C1orf21: variants seen among roughly 807,000 people sequenced by gnomAD.
C1orf21 encodes chromosome 1 open reading frame 21, also known as uncharacterized protein C1orf21.
C1orf21 carries 3 observed loss-of-function variants against 18.7 expected under a neutral mutation model. That is an observed-to-expected ratio of 0.16 (90% CI 0.07 to 0.42). The LOEUF is 0.42. C1orf21 is among the 10% of genes least tolerant of loss of function. The pLI, the probability that C1orf21 is intolerant of heterozygous loss-of-function variation, is 0.99. For missense variants in C1orf21, 104 were observed against 143.6 expected, an observed-to-expected ratio of 0.72 and a Z score of 1.41; for synonymous variants, 41 against 46.4, an observed-to-expected ratio of 0.88 and a Z score of 0.47.
At chr1:184,588,217 C>T (rs1298370257) in intron 3 of C1orf21, among the ~76,000 whole-genome samples, 1 of 152,150 alleles carries the variant, frequency 6.6e-6, no homozygotes, top group African/African-American at 2.4e-5. Context: ...GGGAGCCTGA[C>T]ACTTCAAGAA....
rs1023152478 is a variant in C1orf21, at chr1:184,502,047, C to G, written c.95-5541C>G. Reference sequence around the variant, plus strand: ...ACCATTTTCATCCTTCAATTTATTACATATTTTACAAAATGATAATACCCT... The same window carrying G: ...ACCATTTTCATCCTTCAATTTATTAGATATTTTACAAAATGATAATACCCT... On this transcript the variant is annotated intron_variant, in intron 2 of 5. Coordinates refer to ENST00000235307, the MANE Select transcript of C1orf21 (RefSeq NM_030806.4). Among the ~76,000 whole-genome samples the G allele has an allele frequency of 3.9e-5, 6 of 152,154 alleles. No homozygotes were observed. The South Asian group carries it at 8.3e-4, about 21-fold the overall frequency.
At chr1:184,534,992 G>A (rs911560370) in intron 3 of C1orf21, among the ~76,000 whole-genome samples, 3 of 152,058 alleles carry the variant, frequency 2.0e-5, no homozygotes, top group Admixed American at 1.3e-4. Context: ...GAGAGGCATG[G>A]TGGGGGGACT....
intron 3 of C1orf21, among the ~76,000 whole-genome samples, chr1:184,535,680 GT>G (rs1658540086): frequency 1.3e-5 from 2 of 152,184 alleles, no homozygotes; most frequent in Admixed American, 6.5e-5. Flanking sequence ...TAAGGCTGTG[GT>G]TTCTTGGATG....
intron 3 of C1orf21, among the ~76,000 whole-genome samples, chr1:184,556,031 C>A (rs1264815768): frequency 6.6e-6 from 1 of 152,024 alleles, no homozygotes; most frequent in African/African-American, 2.4e-5. Flanking sequence ...TAAGAAATGT[C>A]CTAATAGGTA....
chr1:184,436,654 C>T (rs888094082), intron 1 of C1orf21, among the ~76,000 whole-genome samples: 2 of 152,140 alleles, frequency 1.3e-5, no homozygotes, highest in African/African-American at 4.8e-5. Flanking sequence ...AATAAACTTT[C>T]ACTCCCCTCT....
chr1:184,466,103 AAT>A (rs1657392741), intron 1 of C1orf21, among the ~76,000 whole-genome samples: 1 of 152,222 alleles, frequency 6.6e-6, no homozygotes, highest in African/African-American at 2.4e-5. Flanking sequence ...GCTGATTTAA[AAT>A]AATTATTTTG....
In C1orf21 at chr1:184,618,636, T is replaced by TCC. The variant is rs34301703; in HGVS notation, c.328-873_328-872dup. 1.6e-3 allele frequency among the ~76,000 whole-genome samples: 217 copies of TCC among 137,420 alleles called. 2 individuals are homozygous for TCC. Among genetic ancestry groups the TCC allele is most frequent in the East Asian group, 9.3e-3 (43 of 4,606 alleles). 90.2% of individuals were successfully genotyped at this position (137,420 alleles called of 152,430 possible). On this transcript the variant is annotated intron_variant, in intron 5 of 5. Coordinates refer to ENST00000235307, the MANE Select transcript of C1orf21 (RefSeq NM_030806.4). ...ATAAGTTCTGCTTTTAAAAGAACATTCCCCCCCCCCAAGAAAAATGAAACA... is the reference window on the plus strand; with the variant it reads ...ATAAGTTCTGCTTTTAAAAGAACATTCCCCCCCCCCCCAAGAAAAATGAAACA...
At chr1:184,603,392 C>G (rs935039491) in intron 5 of C1orf21, among the ~76,000 whole-genome samples, 4 of 152,242 alleles carry the variant, frequency 2.6e-5, no homozygotes, top group Non-Finnish European at 5.9e-5. Flanking sequence ...CTCACATATT[C>G]CTGTGTGATC....
intron 3 of C1orf21, among the ~76,000 whole-genome samples, chr1:184,558,262 C>T (rs1251176000): frequency 1.3e-5 from 2 of 152,154 alleles, no homozygotes; most frequent in Non-Finnish European, 2.9e-5. Flanking sequence ...TAAGCTTCTA[C>T]CATGTATGTC....
At chr1:184,495,775 C>T (rs926306098) in intron 2 of C1orf21, among the ~76,000 whole-genome samples, 1 of 151,830 alleles carries the variant, frequency 6.6e-6, no homozygotes, top group Non-Finnish European at 1.5e-5. Context: ...CAAAAATTAG[C>T]CTGGCATGGT....
At chr1:184,548,402 G>A (rs1049378818) in intron 3 of C1orf21, among the ~76,000 whole-genome samples, 1 of 146,702 alleles carries the variant, frequency 6.8e-6, no homozygotes. Context: ...TATACCCATT[G>A]CAGACTCTTT....
At position 184,448,364 on chromosome 1, in the gene C1orf21, G is replaced by A. The variant is rs540052801; in HGVS notation, c.-124-29022G>A. On this transcript the variant is annotated intron_variant, in intron 1 of 5. Transcript: ENST00000235307. ...CTCCCAAAGTGCTGGGATTACAGGC[G>A]TGGGCCACCGCATCTGGCTTATCTT... Among the ~76,000 whole-genome samples, 119 of 152,276 alleles carry A rather than the reference G, an allele frequency of 7.8e-4. 1 individual carries two copies. The highest frequency in any genetic ancestry group is 2.7e-3 in the African/African-American group (114 of 41,568).
At chr1:184,545,755 G>C (rs879549699) in intron 3 of C1orf21, among the ~76,000 whole-genome samples, 3 of 152,070 alleles carry the variant, frequency 2.0e-5, no homozygotes, top group African/African-American at 4.8e-5. Context: ...CAAGTTCCAG[G>C]GTTCTTGGTC....
intron 3 of C1orf21, among the ~76,000 whole-genome samples, chr1:184,507,951 T>C (rs916533775): frequency 6.6e-6 from 1 of 152,180 alleles, no homozygotes; most frequent in East Asian, 1.9e-4. Context: ...GGAAAAATAA[T>C]GAAGTAGGAT....
intron 3 of C1orf21, among the ~76,000 whole-genome samples, chr1:184,545,471 C>T (rs933082782): frequency 1.3e-5 from 2 of 152,064 alleles, no homozygotes; most frequent in Admixed American, 1.3e-4. Flanking sequence ...TTTTCCCTCC[C>T]TCCCTTTCCA....
intron 5 of C1orf21, among the ~76,000 whole-genome samples, chr1:184,605,626 G>A (rs1175512475): frequency 1.3e-5 from 2 of 152,178 alleles, no homozygotes; most frequent in Non-Finnish European, 2.9e-5. Flanking sequence ...AGGCAGCATG[G>A]TGCAAGAGAA....
At chr1:184,599,749 A>T (rs1009108364) in intron 5 of C1orf21, 1 of 152,244 alleles carries the variant, frequency 6.6e-6, no homozygotes, top group East Asian at 1.9e-4. Flanking sequence ...AAAGAGAAGC[A>T]TAAAAAGAAA....
At position 184,408,645 on chromosome 1, in the gene C1orf21, A is replaced by G. The variant is rs1308595867; in HGVS notation, c.-125+21277A>G. Reference sequence around the variant, plus strand: ...GGAGCTTTGTTTGCTAAATTGAGCTATAAGTTAAACTGTTTACCATCAAGG... The same window carrying G: ...GGAGCTTTGTTTGCTAAATTGAGCTGTAAGTTAAACTGTTTACCATCAAGG... On this transcript the variant is annotated intron_variant, in intron 1 of 5. Coordinates refer to ENST00000235307, the MANE Select transcript of C1orf21 (RefSeq NM_030806.4). Among the ~76,000 whole-genome samples the G allele has an allele frequency of 2.6e-5, 4 of 152,196 alleles. No homozygotes were observed. In the South Asian group the frequency reaches 6.2e-4, roughly 24 times the overall value.
intron 3 of C1orf21, among the ~76,000 whole-genome samples, chr1:184,529,677 C>A (rs1658429780): frequency 6.6e-6 from 1 of 151,742 alleles, no homozygotes; most frequent in Non-Finnish European, 1.5e-5. Context: ...AAGAGCAGTC[C>A]AATAAAGGAG....
Sources: allele counts gnomAD v4.1 joint callset (sites outside exome capture counted in the v4.1 genomes callset), GRCh38; gene constraint gnomAD v4.1.1; transcripts MANE v1.5; gene names NCBI Gene and HGNC (gene_info 2026-07-23, HGNC 2026-07-21).